Variants in BAZ2B observed in about 807,000 individuals in gnomAD.
BAZ2B encodes the protein bromodomain adjacent to zinc finger domain 2B, also known as bromodomain adjacent to zinc finger domain protein 2B.
A neutral mutation model predicts 246.0 loss-of-function variants in BAZ2B; 91 were observed. The ratio of observed to expected loss-of-function variants is 0.37; its 90% CI spans 0.31 to 0.44. BAZ2B has a LOEUF of 0.44. Ranked by LOEUF, BAZ2B falls within the 20% of genes least tolerant of loss-of-function variation. The pLI, the probability that BAZ2B is intolerant of heterozygous loss-of-function variation, is 1.00. For synonymous variants in BAZ2B, 855 were observed against 860.0 expected, an observed-to-expected ratio of 0.99 and a Z score of 0.10; for missense variants, 2,332 against 2,533.7, an observed-to-expected ratio of 0.92 and a Z score of 1.71.
At chr2:159,531,352 ACTT>A (rs750702660) in intron 2 of BAZ2B, among the ~76,000 whole-genome samples, 2 of 152,032 alleles carry the variant, frequency 1.3e-5, no homozygotes, top group African/African-American at 2.4e-5. Flanking sequence ...TGATTGAAAA[ACTT>A]CTATGAGATG....
At chr2:159,412,208 T>C in intron 14 of BAZ2B, 127 bp downstream of exon 14, 7 of 1,033,180 alleles carry the variant, frequency 6.8e-6, no homozygotes, top group Non-Finnish European at 8.3e-6. Context: ...TTTTTCATTT[T>C]ATTCTAACAC....
rs574099954 is a variant in BAZ2B at position 159,429,252 on chromosome 2, T to C, written c.2203A>G (p.Lys735Glu). The C allele has an allele frequency of 1.9e-6, 3 of 1,544,414 alleles. No homozygotes were observed. The highest frequency in any genetic ancestry group is 2.6e-6 in the Non-Finnish European group (3 of 1,138,892). Reference protein sequence around the residue: ...LTSSPHSGTSKRRRVTDEREL... With the variant: ...LTSSPHSGTSERRRVTDEREL... ...CGTTCATCTGTTACTCTTCTTCTTT[T>C]GGAAGTGCCTTTAAAAAAATTCAAT... Residue 735 changes from lysine to glutamate, a missense_variant, in exon 11 of 37, where the codon AAA becomes GAA. Physicochemically the swap from Lys to Glu is moderately conservative, Grantham distance 56. Around this residue, in one of 9 missense-constraint regions of BAZ2B, gnomAD observed 651 missense variants for 650.9 expected, o/e 1.00. Coordinates refer to ENST00000392783, the MANE Select transcript of BAZ2B (RefSeq NM_013450.4).
At chr2:159,414,643 C>T (rs1225382013) in intron 13 of BAZ2B, among the ~76,000 whole-genome samples, 1 of 151,872 alleles carries the variant, frequency 6.6e-6, no homozygotes, top group Non-Finnish European at 1.5e-5. Flanking sequence ...ATGGTGAAAC[C>T]CCGTCTCTAC....
chr2:159,628,346 G>T, the BAZ2B span, among the ~76,000 whole-genome samples: 1 of 152,148 alleles, frequency 6.6e-6, no homozygotes, highest in Non-Finnish European at 1.5e-5. Flanking sequence ...AACCAAAAAT[G>T]AGCCCGCATG....
chr2:159,621,211 G>A (rs1217705992), upstream of BAZ2B, among the ~76,000 whole-genome samples: 1 of 152,114 alleles, frequency 6.6e-6, no homozygotes, highest in East Asian at 1.9e-4. Context: ...TTAAAAATGG[G>A]ATTATCAGAA....
At chr2:159,599,961 A>AAAAG (rs902536533) in intron 1 of BAZ2B, among the ~76,000 whole-genome samples, 4 of 151,620 alleles carry the variant, frequency 2.6e-5, no homozygotes, top group Non-Finnish European at 5.9e-5. Context: ...AAAGAAAAGA[A>AAAAG]AAAGAAAGAA....
chr2:159,645,572 G>A, the BAZ2B span, among the ~76,000 whole-genome samples: 4 of 152,232 alleles, frequency 2.6e-5, no homozygotes, highest in Admixed American at 1.3e-4. Flanking sequence ...AGGAGGTGGA[G>A]ATCAGGTGGT....
chr2:159,582,583 C>G (rs1374644927), intron 1 of BAZ2B, among the ~76,000 whole-genome samples: 1 of 152,130 alleles, frequency 6.6e-6, no homozygotes, highest in Non-Finnish European at 1.5e-5. Flanking sequence ...TGGGGTCCCA[C>G]TATGTTGCCC....
At chr2:159,557,284 C>T (rs777444103) in intron 1 of BAZ2B, among the ~76,000 whole-genome samples, 13 of 150,646 alleles carry the variant, frequency 8.6e-5, no homozygotes, top group East Asian at 1.9e-4. Flanking sequence ...CTCAAACTCC[C>T]GGTCTCAAGT....
chr2:159,432,448 A>T (rs534879826), intron 9 of BAZ2B, among the ~76,000 whole-genome samples: 20 of 152,204 alleles, frequency 1.3e-4, no homozygotes, highest in Non-Finnish European at 2.2e-4. Context: ...AGAAGAAATG[A>T]AAAAAGAGTG....
intron 2 of BAZ2B, among the ~76,000 whole-genome samples, chr2:159,551,252 G>A (rs570288747): frequency 1.5e-3 from 229 of 152,200 alleles, no homozygotes; most frequent in Admixed American, 2.3e-3. Context: ...GGCGGATCAC[G>A]AAGTCAGGAG....
intron 2 of BAZ2B, among the ~76,000 whole-genome samples, chr2:159,510,410 A>G (rs2082797591): frequency 6.6e-6 from 1 of 152,080 alleles, no homozygotes; most frequent in Non-Finnish European, 1.5e-5. Context: ...GTGATCCTTG[A>G]GACCCCGTCT....
intron 3 of BAZ2B, among the ~76,000 whole-genome samples, chr2:159,468,815 C>T (rs536411021): frequency 2.6e-4 from 39 of 152,092 alleles, no homozygotes; most frequent in Admixed American, 9.8e-4. Context: ...GAGGCCGAGG[C>T]GGGTGGTTCA....
the BAZ2B span, among the ~76,000 whole-genome samples, chr2:159,650,779 C>T: frequency 6.6e-6 from 1 of 152,110 alleles, no homozygotes; most frequent in Non-Finnish European, 1.5e-5. Flanking sequence ...GAGTGCTTAC[C>T]TCTGTTCCTC....
chr2:159,512,351 AAAGT>A (rs1214658094), intron 2 of BAZ2B, among the ~76,000 whole-genome samples: 3 of 152,310 alleles, frequency 2.0e-5, no homozygotes, highest in Non-Finnish European at 2.9e-5. Context: ...TGTCACCTCA[AAAGT>A]AAGTATGTTT....
chr2:159,406,237 C>A (rs1028877516), intron 14 of BAZ2B, among the ~76,000 whole-genome samples: 3 of 152,184 alleles, frequency 2.0e-5, no homozygotes, highest in Non-Finnish European at 2.9e-5. Context: ...TAGTTGTATT[C>A]TTTCGGCTTT....
chr2:159,674,068 T>C, the BAZ2B span, among the ~76,000 whole-genome samples: 1 of 151,968 alleles, frequency 6.6e-6, no homozygotes, highest in Non-Finnish European at 1.5e-5. Flanking sequence ...GCACGTCAGA[T>C]GCAGTGGCTG....
chr2:159,583,491 G>T (rs914953382), intron 1 of BAZ2B, among the ~76,000 whole-genome samples: 2 of 152,192 alleles, frequency 1.3e-5, no homozygotes, highest in African/African-American at 4.8e-5. Flanking sequence ...ACAGACTGCA[G>T]GAGTCACAGC....
intron 13 of BAZ2B, among the ~76,000 whole-genome samples, chr2:159,424,568 C>T (rs908240627): frequency 2.0e-5 from 3 of 151,932 alleles, no homozygotes; most frequent in African/African-American, 2.4e-5. Flanking sequence ...ATAGAACTAA[C>T]GTTGGGGGTT....
Sources: gnomAD v4.1 joint callset for allele counts (sites outside exome capture counted in the v4.1 genomes callset) on GRCh38, gnomAD v4.1.1 for gene constraint, gnomAD v4.1.1 regional missense constraint, MANE v1.5 for transcripts, NCBI Gene and HGNC (gene_info 2026-07-23, HGNC 2026-07-21) for gene names.